The following ZNF738 variants were observed in gnomAD, a reference collection of about 807,000 sequenced individuals.
ZNF738 encodes the protein zinc finger protein 738.
In ZNF738, 10 loss-of-function variants were observed where a neutral mutation model predicts 9.2. That is an observed-to-expected ratio of 1.09 (90% CI 0.67 to 1.85). The LOEUF (loss-of-function observed/expected upper bound fraction) is 1.85. ZNF738 is among the 40% of genes most tolerant of loss of function. The probability of loss-of-function intolerance (pLI) is 0.00; values close to 1 mark genes in which losing one functional copy is unlikely to be tolerated. For synonymous variants in ZNF738, 113 were observed against 94.5 expected (o/e 1.20, Z -1.14); for missense variants, 346 against 283.6 (o/e 1.22, Z -1.58).
intron 2 of ZNF738, among the ~76,000 whole-genome samples, chr19:21,367,968 C>G (rs1426439840): frequency 3.3e-5 from 5 of 152,204 alleles, no homozygotes; most frequent in African/African-American, 1.2e-4. Context: ...TTATGGAGCA[C>G]CTGTTCATAA....
chr19:21,365,183 A>T (rs1050237635), intron 2 of ZNF738, among the ~76,000 whole-genome samples: 2 of 152,054 alleles, frequency 1.3e-5, no homozygotes, highest in African/African-American at 4.8e-5. Flanking sequence ...GGAGTGTAGC[A>T]GTGAGGATGA....
At position 21,385,607 on chromosome 19, in the gene ZNF738, A is replaced by C. The variant is rs1399817048; in HGVS notation, c.*1933A>C. 6.6e-6 allele frequency among the ~76,000 whole-genome samples: 1 copy of C among 152,202 alleles called. No individual in the cohort carries two copies. The highest frequency in any genetic ancestry group is 2.4e-5 in the African/African-American group (1 of 41,446). On this transcript the variant is annotated 3_prime_UTR_variant, in exon 5 of 5. Coordinates refer to ENST00000683779, the MANE Select transcript of ZNF738 (RefSeq NM_001355237.2). ...ACTGGAAGGAAACCCTACAAATGTAAAGAATGTGAGAAAGCTTTTAACTGG... is the reference window on the plus strand; with the variant it reads ...ACTGGAAGGAAACCCTACAAATGTACAGAATGTGAGAAAGCTTTTAACTGG...
chr19:21,360,476 TG>T (rs1973669158), intron 1 of ZNF738: 1 of 152,648 alleles, frequency 6.6e-6, no homozygotes, highest in Admixed American at 6.5e-5. Context: ...GTTTTTGAGA[TG>T]GAGTCTCGCT....
chr19:21,359,230 C>A (rs1391364106), intron 1 of ZNF738, 87 bp downstream of exon 1: 1 of 888,162 alleles, frequency 1.1e-6, no homozygotes, highest in South Asian at 1.3e-5. Flanking sequence ...TCAGGCCTCC[C>A]CGCAGTCAGC....
chr19:21,374,678 C>T (rs1381471294), intron 2 of ZNF738, among the ~76,000 whole-genome samples: 1 of 152,122 alleles, frequency 6.6e-6, no homozygotes, highest in African/African-American at 2.4e-5. Context: ...AGACTCTTAT[C>T]TTTGTTTACA....
intron 2 of ZNF738, among the ~76,000 whole-genome samples, chr19:21,368,247 A>G (rs1973811807): frequency 6.6e-6 from 1 of 151,994 alleles, no homozygotes; most frequent in Non-Finnish European, 1.5e-5. Context: ...TTGTCCTTTT[A>G]TCCTTCATCC....
chr19:21,365,835 T>TA (rs1471588326), intron 2 of ZNF738, among the ~76,000 whole-genome samples: 1 of 151,746 alleles, frequency 6.6e-6, no homozygotes, highest in Non-Finnish European at 1.5e-5. Context: ...GGCGCGCCTA[T>TA]AATCCCAGGT....
At chr19:21,379,494 T>C (rs1973980349) in intron 4 of ZNF738, among the ~76,000 whole-genome samples, 1 of 152,210 alleles carries the variant, frequency 6.6e-6, no homozygotes, top group Non-Finnish European at 1.5e-5. Context: ...AATCACTCAC[T>C]GCACCTGTTT....
chr19:21,362,125 A>G (rs1303015464), intron 2 of ZNF738, among the ~76,000 whole-genome samples: 1 of 149,086 alleles, frequency 6.7e-6, no homozygotes, highest in Admixed American at 6.7e-5. Context: ...AATAATAATA[A>G]TAATAATGAA....
At chr19:21,381,660 A>AT in intron 4 of ZNF738, 4 of 428,674 alleles carry the variant, frequency 9.3e-6, no homozygotes, top group Non-Finnish European at 1.3e-5. Context: ...TGCCTGGCTG[A>AT]TTTTTTGTAT....
intron 4 of ZNF738, among the ~76,000 whole-genome samples, chr19:21,380,367 G>GGCAGA (rs1223422368): frequency 2.0e-5 from 3 of 152,180 alleles, no homozygotes; most frequent in Admixed American, 2.0e-4. Flanking sequence ...TGCCTCAGAG[G>GGCAGA]GCAGAGCATG....
intron 4 of ZNF738, among the ~76,000 whole-genome samples, chr19:21,377,117 G>C (rs1325219494): frequency 6.6e-6 from 1 of 151,986 alleles, no homozygotes; most frequent in East Asian, 1.9e-4. Context: ...AGACCAGCCT[G>C]ACCAACATGG....
chr19:21,377,089 T>C (rs1392143189), intron 4 of ZNF738, among the ~76,000 whole-genome samples: 7 of 151,890 alleles, frequency 4.6e-5, no homozygotes, highest in African/African-American at 1.7e-4. Context: ...GAGCGGATCA[T>C]CTGAGTTTGG....
At chr19:21,382,066 CTTTTTTTTT>C (rs139193236) in intron 4 of ZNF738, 1 of 114,602 alleles carries the variant, frequency 8.7e-6, no homozygotes, top group African/African-American at 3.4e-5. Context: ...TTCTTTCTTT[CTTTTTTTTT>C]TTTTTTTTGA....
intron 2 of ZNF738, chr19:21,372,083 A>C (rs1341339699): frequency 6.6e-6 from 1 of 152,036 alleles, no homozygotes. Flanking sequence ...AGCTGGGATT[A>C]CAGGCATGCA....
At chr19:21,370,811 C>T (rs997267343) in intron 2 of ZNF738, among the ~76,000 whole-genome samples, 16 of 152,098 alleles carry the variant, frequency 1.1e-4, no homozygotes, top group Non-Finnish European at 1.8e-4. Context: ...GTCAGGCTAA[C>T]CTCACCTAGA....
chr19:21,366,232 G>A (rs1392752645), intron 2 of ZNF738, among the ~76,000 whole-genome samples: 4 of 152,170 alleles, frequency 2.6e-5, no homozygotes, highest in Admixed American at 2.6e-4. Context: ...CCAGTTCTTA[G>A]TTGAGACTTT....
At position 21,388,194 on chromosome 19, in the gene ZNF738, A is replaced by G. The variant is rs1436834538; in HGVS notation, c.*4520A>G. On this transcript the variant is annotated 3_prime_UTR_variant, in exon 5 of 5. Coordinates refer to ENST00000683779, the MANE Select transcript of ZNF738 (RefSeq NM_001355237.2). ...AAAGATTTTTTGCAGAGTAATAACT[A>G]CATTCTAAGTATACTTTATTTCTTG... 6.6e-6 allele frequency among the ~76,000 whole-genome samples: 1 copy of G among 152,192 alleles called. No individual in the cohort carries two copies. The highest frequency in any genetic ancestry group is 1.5e-5 in the Non-Finnish European group (1 of 68,024).
At chr19:21,382,214 G>A (rs1388985049) in intron 4 of ZNF738, among the ~76,000 whole-genome samples, 1 of 149,898 alleles carries the variant, frequency 6.7e-6, no homozygotes, top group Non-Finnish European at 1.5e-5. Flanking sequence ...TACAGGTTGA[G>A]CCACCACGCC....
Sources: allele counts gnomAD v4.1 joint callset (sites outside exome capture counted in the v4.1 genomes callset), GRCh38; gene constraint gnomAD v4.1.1; transcripts MANE v1.5; gene names NCBI Gene and HGNC (gene_info 2026-07-23, HGNC 2026-07-21).